Variants in GRID2 observed in about 807,000 individuals in gnomAD.
GRID2 encodes glutamate receptor ionotropic, delta-2.
Under a neutral mutation model 114.8 loss-of-function variants are expected in GRID2, and 33 were observed. That is an observed-to-expected ratio of 0.29 (90% confidence interval 0.22 to 0.38). GRID2 has a LOEUF of 0.38. Ranked by LOEUF, GRID2 falls within the 10% of genes least tolerant of loss-of-function variation. The probability of loss-of-function intolerance (pLI) is 1.00; values close to 1 mark genes in which losing one functional copy is unlikely to be tolerated. For synonymous variants in GRID2, 505 were observed against 449.9 expected (o/e 1.12, Z -1.55); for missense variants, 1,184 against 1,257.7 (o/e 0.94, Z 0.89).
chr4:93,604,265 C>T (rs1739980623), intron 13 of GRID2, among the ~76,000 whole-genome samples: 1 of 152,114 alleles, frequency 6.6e-6, no homozygotes, highest in African/African-American at 2.4e-5. Flanking sequence ...CTTTCACAGG[C>T]TTAACACTTT....
At chr4:93,764,240 C>T (rs991486877) in intron 14 of GRID2, among the ~76,000 whole-genome samples, 3 of 152,022 alleles carry the variant, frequency 2.0e-5, no homozygotes, top group African/African-American at 7.2e-5. Flanking sequence ...GAAATTTCCT[C>T]ATTTATACCA....
At chr4:93,262,874 T>C (rs1750402981) in intron 8 of GRID2, among the ~76,000 whole-genome samples, 1 of 151,990 alleles carries the variant, frequency 6.6e-6, no homozygotes, top group African/African-American at 2.4e-5. Context: ...TTCTAAAGTA[T>C]TTAAATGTTA....
chr4:92,819,914 G>A (rs968672098), intron 2 of GRID2, among the ~76,000 whole-genome samples: 8 of 152,094 alleles, frequency 5.3e-5, no homozygotes, highest in Admixed American at 3.3e-4. Flanking sequence ...GAATAATAGT[G>A]AGAATTATAA....
intron 14 of GRID2, among the ~76,000 whole-genome samples, chr4:93,748,953 C>A (rs983000059): frequency 3.3e-5 from 5 of 152,084 alleles, no homozygotes; most frequent in African/African-American, 9.7e-5. Context: ...ACCAGAGCCA[C>A]CATTGCATAG....
At chr4:93,542,651 T>C (rs1382774727) in intron 13 of GRID2, among the ~76,000 whole-genome samples, 1 of 152,046 alleles carries the variant, frequency 6.6e-6, no homozygotes, top group Non-Finnish European at 1.5e-5. Context: ...GCTGAAAAAG[T>C]GTGAGGAGGG....
intron 14 of GRID2, among the ~76,000 whole-genome samples, chr4:93,718,682 C>G (rs1709743198): frequency 6.6e-6 from 1 of 151,952 alleles, no homozygotes; most frequent in African/African-American, 2.4e-5. Flanking sequence ...TTCCTGATGG[C>G]CAGACAACTG....
chr4:92,901,346 T>C (rs922218489), intron 2 of GRID2, among the ~76,000 whole-genome samples: 2 of 152,200 alleles, frequency 1.3e-5, no homozygotes, highest in Admixed American at 1.3e-4. Flanking sequence ...CAATTTTTCA[T>C]ATGCTTGTTG....
At chr4:93,414,900 C>A (rs1054280180) in intron 9 of GRID2, among the ~76,000 whole-genome samples, 1 of 151,798 alleles carries the variant, frequency 6.6e-6, no homozygotes, top group African/African-American at 2.4e-5. Context: ...GATAGAAATG[C>A]CACTAATCCT....
chr4:92,804,274 C>A (rs1371203216), intron 2 of GRID2, among the ~76,000 whole-genome samples: 1 of 151,854 alleles, frequency 6.6e-6, no homozygotes, highest in Non-Finnish European at 1.5e-5. Context: ...GAAAAATATT[C>A]TATTTAATTA....
intron 2 of GRID2, among the ~76,000 whole-genome samples, chr4:92,814,316 G>C (rs186518211): frequency 5.9e-5 from 9 of 152,106 alleles, no homozygotes; most frequent in Non-Finnish European, 8.8e-5. Flanking sequence ...TTATGTAATG[G>C]AAGATTAGCT....
rs535821932 is a variant in GRID2 at position 93,682,053 on chromosome 4, G to C, written c.2360+55618G>C. 4.4e-3 allele frequency among the ~76,000 whole-genome samples: 668 copies of C among 151,666 alleles called. 8 individuals carry two copies. The highest frequency in any genetic ancestry group is 0.016 in the African/African-American group (641 of 41,072). On this transcript the variant is annotated intron_variant, in intron 14 of 15. Transcript: ENST00000282020. The stretch of plus-strand genomic sequence containing the variant: ...TCATCTGACAAAGGGCTAATATCCA[G>C]AATCTACAATGAACTCAAACAAATT...
At chr4:92,539,399 G>T (rs528437681) in intron 1 of GRID2, among the ~76,000 whole-genome samples, 5 of 151,992 alleles carry the variant, frequency 3.3e-5, no homozygotes, top group Admixed American at 6.6e-5. Context: ...GCATTTATTT[G>T]TATTAAAATA....
At chr4:92,898,319 T>G (rs1747318224) in intron 2 of GRID2, among the ~76,000 whole-genome samples, 1 of 152,116 alleles carries the variant, frequency 6.6e-6, no homozygotes, top group African/African-American at 2.4e-5. Flanking sequence ...ACACATCCAT[T>G]TTTAACCATA....
At chr4:92,832,758 G>T (rs1160495677) in intron 2 of GRID2, among the ~76,000 whole-genome samples, 1 of 152,010 alleles carries the variant, frequency 6.6e-6, no homozygotes, top group African/African-American at 2.4e-5. Context: ...CTGCACTCCA[G>T]CCTGGACAAC....
intron 8 of GRID2, among the ~76,000 whole-genome samples, chr4:93,327,671 A>G (rs1165223790): frequency 1.3e-5 from 2 of 151,852 alleles, no homozygotes; most frequent in Admixed American, 1.3e-4. Flanking sequence ...TCTCACTTAT[A>G]AGTGGGAGCT....
At chr4:93,679,467 G>A (rs1725281992) in intron 14 of GRID2, among the ~76,000 whole-genome samples, 1 of 150,756 alleles carries the variant, frequency 6.6e-6, no homozygotes, top group Admixed American at 6.6e-5. Context: ...CAAATCAACA[G>A]AATATACATT....
At chr4:93,277,146 A>G in intron 8 of GRID2, among the ~76,000 whole-genome samples, 1 of 151,904 alleles carries the variant, frequency 6.6e-6, no homozygotes, top group East Asian at 1.9e-4. Context: ...AAGTAGATTT[A>G]CCTGTCCTTT....
chr4:92,398,863 G>A (rs183566716), intron 1 of GRID2, among the ~76,000 whole-genome samples: 1 of 152,294 alleles, frequency 6.6e-6, no homozygotes, highest in African/African-American at 2.4e-5. Context: ...GGCATGTTAT[G>A]AGCAGTGGGA....
chr4:92,460,816 T>C (rs1334350458), intron 1 of GRID2, among the ~76,000 whole-genome samples: 1 of 152,044 alleles, frequency 6.6e-6, no homozygotes, highest in African/African-American at 2.4e-5. Context: ...TTTTTCTTTT[T>C]CAAAAGACAT....
Sources: allele counts gnomAD v4.1 joint callset (sites outside exome capture counted in the v4.1 genomes callset), GRCh38; gene constraint gnomAD v4.1.1; transcripts MANE v1.5; gene names NCBI Gene and HGNC (gene_info 2026-07-23, HGNC 2026-07-21).